NRXN1: variants seen among roughly 807,000 people sequenced by gnomAD.
NRXN1 encodes neurexin 1.
A neutral mutation model predicts 150.9 loss-of-function variants in NRXN1; 39 were observed. That is an observed-to-expected ratio of 0.26 (90% CI 0.20 to 0.34). NRXN1 has a LOEUF of 0.34. Among genes scored for constraint, NRXN1 ranks in the 10% least tolerant of loss-of-function variants. The probability of loss-of-function intolerance (pLI) is 1.00; values close to 1 mark genes in which losing one functional copy is unlikely to be tolerated. For synonymous variants in NRXN1, 924 were observed against 757.0 expected (o/e 1.22, Z -3.62); for missense variants, 1,815 against 1,949.9 (o/e 0.93, Z 1.30).
At chr2:50,986,984 C>G (rs1697824670) in intron 2 of NRXN1, among the ~76,000 whole-genome samples, 1 of 151,808 alleles carries the variant, frequency 6.6e-6, no homozygotes, top group African/African-American at 2.4e-5. Context: ...ATGGAGGACT[C>G]TTTTCCATTT....
intron 10 of NRXN1, among the ~76,000 whole-genome samples, chr2:50,537,237 C>T (rs930933484): frequency 3.3e-5 from 5 of 151,956 alleles, no homozygotes; most frequent in Non-Finnish European, 5.9e-5. Flanking sequence ...AAAATAGATG[C>T]CAGGTAATTT....
intron 17 of NRXN1, among the ~76,000 whole-genome samples, chr2:50,267,223 T>C (rs1204527556): frequency 3.3e-5 from 5 of 152,244 alleles, no homozygotes; most frequent in African/African-American, 9.6e-5. Context: ...GTCCCATTTC[T>C]GACTTTGTGT....
intron 17 of NRXN1, among the ~76,000 whole-genome samples, chr2:50,283,642 A>C (rs938686782): frequency 6.6e-6 from 1 of 152,154 alleles, no homozygotes; most frequent in African/African-American, 2.4e-5. Context: ...CCTATATATC[A>C]GTGATTATTT....
intron 5 of NRXN1, among the ~76,000 whole-genome samples, chr2:50,772,769 T>C (rs17562100): frequency 0.011 from 1,707 of 152,152 alleles, 12 homozygotes; most frequent in Admixed American, 0.015. Flanking sequence ...ACTTTCCATG[T>C]AAAAAATTGG....
At chr2:50,553,883 T>A (rs1024348298) in intron 8 of NRXN1, among the ~76,000 whole-genome samples, 3 of 152,172 alleles carry the variant, frequency 2.0e-5, no homozygotes, top group African/African-American at 4.8e-5. Context: ...ACTGACAGGG[T>A]TCACGGTATC....
chr2:50,813,101 G>T (rs1051555498), intron 5 of NRXN1, among the ~76,000 whole-genome samples: 1 of 152,020 alleles, frequency 6.6e-6, no homozygotes, highest in African/African-American at 2.4e-5. Flanking sequence ...GGCTGAGTCG[G>T]GAGGATGGCT....
intron 15 of NRXN1, among the ~76,000 whole-genome samples, chr2:50,493,458 C>G (rs1248522273): frequency 1.3e-5 from 2 of 152,288 alleles, no homozygotes; most frequent in East Asian, 3.9e-4. Context: ...CCTATAAGTG[C>G]TCCCTCAACG....
At chr2:50,156,135 T>A (rs2059006184) in intron 18 of NRXN1, among the ~76,000 whole-genome samples, 1 of 151,802 alleles carries the variant, frequency 6.6e-6, no homozygotes, top group Non-Finnish European at 1.5e-5. Context: ...TAAATACATA[T>A]TACTTTTGGA....
intron 8 of NRXN1, among the ~76,000 whole-genome samples, chr2:50,580,734 G>C (rs952949411): frequency 1.3e-5 from 2 of 152,080 alleles, no homozygotes; most frequent in African/African-American, 4.8e-5. Context: ...GTGGCAGTCT[G>C]GTTCAAGAGG....
At chr2:50,244,836 T>C (rs2066353474) in intron 17 of NRXN1, among the ~76,000 whole-genome samples, 2 of 151,828 alleles carry the variant, frequency 1.3e-5, no homozygotes, top group African/African-American at 2.4e-5. Flanking sequence ...TATTCAACCA[T>C]GTTATCATCT....
At chr2:50,032,314 G>C (rs1558733161) in intron 21 of NRXN1, among the ~76,000 whole-genome samples, 1 of 152,028 alleles carries the variant, frequency 6.6e-6, no homozygotes, top group South Asian at 2.1e-4. Flanking sequence ...TATTTGACCT[G>C]AAACTTTCTC....
intron 18 of NRXN1, among the ~76,000 whole-genome samples, chr2:50,161,131 G>T (rs771915410): frequency 9.2e-5 from 14 of 151,602 alleles, no homozygotes; most frequent in Non-Finnish European, 1.5e-5. Context: ...TGCCAAGACT[G>T]TTTGTAGTAC....
chr2:50,668,789 G>C (rs559197207), intron 5 of NRXN1, among the ~76,000 whole-genome samples: 13 of 152,066 alleles, frequency 8.5e-5, no homozygotes, highest in African/African-American at 3.1e-4. Context: ...GTGCCTTAGA[G>C]ATACAGCATT....
chr2:50,619,575 T>G (rs1679617614), intron 8 of NRXN1: 1 of 227,020 alleles, frequency 4.4e-6, no homozygotes, highest in African/African-American at 2.2e-5. Context: ...TTATTTTGTT[T>G]TAGTTTTGTT....
chr2:50,604,054 C>T (rs56066531), intron 8 of NRXN1, among the ~76,000 whole-genome samples: 81,036 of 151,932 alleles, frequency 0.53, 21,788 homozygotes, highest in East Asian at 0.65. Flanking sequence ...TAAAAAGTCA[C>T]CTTAATTCTA....
intron 2 of NRXN1, among the ~76,000 whole-genome samples, chr2:50,939,348 T>C (rs2104468357): frequency 6.6e-6 from 1 of 152,100 alleles, no homozygotes; most frequent in East Asian, 1.9e-4. Flanking sequence ...TTTCATGATA[T>C]ATTTAGTAAG....
intron 13 of NRXN1, among the ~76,000 whole-genome samples, chr2:50,503,032 G>A (rs1416930340): frequency 1.3e-5 from 2 of 152,078 alleles, no homozygotes; most frequent in African/African-American, 4.8e-5. Flanking sequence ...AAAGGGCCAG[G>A]CACGGTGGCT....
intron 17 of NRXN1, among the ~76,000 whole-genome samples, chr2:50,334,192 A>AATATATATATATATATAT (rs1553457969): frequency 8.4e-6 from 1 of 118,996 alleles, no homozygotes; most frequent in African/African-American, 4.3e-5. Flanking sequence ...ACCAGGACCA[A>AATATATATATATATATAT]ATATATATAT....
At chr2:50,446,341 C>G (rs1280707444) in intron 17 of NRXN1, among the ~76,000 whole-genome samples, 3 of 151,502 alleles carry the variant, frequency 2.0e-5, no homozygotes, top group Non-Finnish European at 4.4e-5. Context: ...TTCCCTCCTT[C>G]CCCCAGTCCC....
Sources: gnomAD v4.1 joint callset for allele counts (sites outside exome capture counted in the v4.1 genomes callset) on GRCh38, gnomAD v4.1.1 for gene constraint, MANE v1.5 for transcripts, NCBI Gene and HGNC (gene_info 2026-07-23, HGNC 2026-07-21) for gene names.